FRK: variants seen among roughly 807,000 people sequenced by gnomAD.
The protein encoded by FRK is fyn related Src family tyrosine kinase.
A neutral mutation model predicts 56.4 loss-of-function variants in FRK; 51 were observed. The ratio of observed to expected loss-of-function variants is 0.90; its 90% CI spans 0.72 to 1.14. The LOEUF is 1.14. Among genes scored for constraint, FRK ranks in the 50% most tolerant of loss-of-function variants. The pLI, the probability that FRK is intolerant of heterozygous loss-of-function variation, is 0.00. For missense variants in FRK, 570 were observed against 601.4 expected (o/e 0.95, Z 0.55); for synonymous variants, 245 against 217.9 (o/e 1.12, Z -1.10).
chr6:116,079,397 G>GTT, the FRK span, among the ~76,000 whole-genome samples: 4 of 140,342 alleles, frequency 2.9e-5, no homozygotes, highest in African/African-American at 1.1e-4. Flanking sequence ...TCTGCATTGG[G>GTT]TTTTTTGTTT....
At position 115,976,728 on chromosome 6, in the gene FRK, A is replaced by G. The variant is rs368357318; in HGVS notation, c.467-7989T>C. On this transcript the variant is annotated intron_variant, in intron 2 of 7. Transcript: ENST00000606080. ...TCTCTGACCTTAGGCAAGGAATTTC[A>G]TTTCAGTTTCCTTATCTAGAAAATG... is the stretch of plus-strand genomic sequence containing the variant. 2.0e-5 allele frequency among the ~76,000 whole-genome samples: 3 copies of G among 152,262 alleles called. No homozygotes were observed. The East Asian group carries it at 5.8e-4, about 29-fold the overall frequency.
intron 1 of FRK, among the ~76,000 whole-genome samples, chr6:116,059,010 G>A (rs183859979): frequency 5.9e-5 from 9 of 151,718 alleles, no homozygotes; most frequent in Admixed American, 5.9e-4. Flanking sequence ...GCCAATGACA[G>A]TCTCCATTTG....
At chr6:115,969,675 C>T (rs1468550047) in intron 2 of FRK, among the ~76,000 whole-genome samples, 3 of 152,110 alleles carry the variant, frequency 2.0e-5, no homozygotes, top group African/African-American at 7.2e-5. Context: ...GTTGCTGTGG[C>T]TGTTGTTTTG....
At chr6:115,962,052 C>A (rs1397132714) in intron 4 of FRK, among the ~76,000 whole-genome samples, 13 of 138,216 alleles carry the variant, frequency 9.4e-5, no homozygotes, top group Admixed American at 9.2e-4. Context: ...ACAATATTAA[C>A]TTTAAATATA....
chr6:115,957,930 T>C (rs910788565), intron 4 of FRK, among the ~76,000 whole-genome samples: 13 of 152,368 alleles, frequency 8.5e-5, no homozygotes, highest in Admixed American at 2.0e-4. Flanking sequence ...ATTCAATGAC[T>C]GTTGATCATT....
the FRK span, among the ~76,000 whole-genome samples, chr6:116,090,666 T>C: frequency 1.3e-5 from 2 of 152,212 alleles, no homozygotes; most frequent in Non-Finnish European, 2.9e-5. Flanking sequence ...TGCATATGGA[T>C]GCCATTAACC....
At position 116,020,083 on chromosome 6, in the gene FRK, A is replaced by C. The variant is rs914942463; in HGVS notation, c.345-16085T>G. ...TTTCTAAACTATCAACAACAAAAAA[A>C]TTGATCAAACATTTCAAAAGTAAAA... On this transcript the variant is annotated intron_variant, in intron 1 of 7. Transcript: ENST00000606080. Among the ~76,000 whole-genome samples, 147 of 152,318 alleles carry C rather than the reference A, an allele frequency of 9.7e-4. 3 individuals are homozygous for C. Among genetic ancestry groups the C allele is most frequent in the Admixed American group, 9.6e-3 (147 of 15,292 alleles).
At chr6:116,013,238 A>G (rs552520718) in intron 1 of FRK, among the ~76,000 whole-genome samples, 29 of 152,316 alleles carry the variant, frequency 1.9e-4, no homozygotes, top group Admixed American at 6.5e-4. Flanking sequence ...TCTGGTAATC[A>G]AAAGTATGCA....
chr6:116,004,063 C>G (rs1775164918), intron 1 of FRK, 65 bp from the exon 2 acceptor site: 1 of 1,438,624 alleles, frequency 7.0e-7, no homozygotes, highest in African/African-American at 1.4e-5. Context: ...GAGGAAAAAG[C>G]CTGGCAAGAT....
chr6:115,959,545 C>G (rs1773242770), intron 4 of FRK, among the ~76,000 whole-genome samples: 1 of 152,202 alleles, frequency 6.6e-6, no homozygotes, highest in Non-Finnish European at 1.5e-5. Flanking sequence ...ACCTGGAGCA[C>G]TCACATAGCA....
intron 1 of FRK, among the ~76,000 whole-genome samples, chr6:116,058,686 G>A (rs896304225): frequency 2.1e-4 from 32 of 152,044 alleles, no homozygotes; most frequent in Non-Finnish European, 4.1e-4. Flanking sequence ...CGAGGCGGGC[G>A]GATCACGAGG....
intron 1 of FRK, among the ~76,000 whole-genome samples, chr6:116,033,513 T>C (rs1776368282): frequency 6.6e-6 from 1 of 152,136 alleles, no homozygotes; most frequent in Admixed American, 6.6e-5. Flanking sequence ...GAACAATAAA[T>C]TTTAAAATCT....
chr6:116,096,787 A>G, the FRK span, among the ~76,000 whole-genome samples: 1 of 152,212 alleles, frequency 6.6e-6, no homozygotes, highest in African/African-American at 2.4e-5. Flanking sequence ...GTCCTCTTCC[A>G]TGCTGTGGAA....
upstream of FRK, among the ~76,000 whole-genome samples, chr6:116,063,689 T>C (rs1172078654): frequency 6.6e-6 from 1 of 152,184 alleles, no homozygotes; most frequent in Non-Finnish European, 1.5e-5. Flanking sequence ...CTACACTGTA[T>C]ACATGTATCA....
the FRK span, among the ~76,000 whole-genome samples, chr6:116,096,114 C>A: frequency 6.6e-6 from 1 of 152,174 alleles, no homozygotes; most frequent in Non-Finnish European, 1.5e-5. Context: ...ACAAATGGAA[C>A]CACAAATGAG....
chr6:116,048,138 T>C (rs948887530), intron 1 of FRK, among the ~76,000 whole-genome samples: 3 of 152,242 alleles, frequency 2.0e-5, no homozygotes, highest in Non-Finnish European at 1.5e-5. Flanking sequence ...ACATCTATAA[T>C]ACCTTGGTGT....
At chr6:116,041,484 G>A (rs901794435) in intron 1 of FRK, among the ~76,000 whole-genome samples, 5 of 151,100 alleles carry the variant, frequency 3.3e-5, no homozygotes, top group African/African-American at 4.9e-5. Context: ...GAACAGCTCC[G>A]GTCTGCAGCT....
intron 1 of FRK, among the ~76,000 whole-genome samples, chr6:116,033,398 A>C (rs1274849307): frequency 6.6e-6 from 1 of 152,144 alleles, no homozygotes; most frequent in African/African-American, 2.4e-5. Flanking sequence ...CCCATAGATC[A>C]GTGGTTCAGG....
chr6:115,943,494 A>G (rs1184593263), intron 6 of FRK, among the ~76,000 whole-genome samples: 7 of 150,600 alleles, frequency 4.6e-5, no homozygotes, highest in Non-Finnish European at 1.0e-4. Context: ...TTGAGCAAAA[A>G]AAAAAAAAAA....
Sources: gnomAD v4.1 joint callset for allele counts (sites outside exome capture counted in the v4.1 genomes callset) on GRCh38, gnomAD v4.1.1 for gene constraint, MANE v1.5 for transcripts, NCBI Gene and HGNC (gene_info 2026-07-23, HGNC 2026-07-21) for gene names.